PPIP5K2: variants seen among roughly 807,000 people sequenced by gnomAD.
The protein encoded by PPIP5K2 is diphosphoinositol pentakisphosphate kinase 2.
PPIP5K2 carries 105 observed loss-of-function variants against 154.6 expected under a neutral mutation model. The observed-to-expected ratio is 0.68, with a 90% CI of 0.58 to 0.80. PPIP5K2 has a LOEUF of 0.80. PPIP5K2 is among the 30% of genes least tolerant of loss of function. The pLI, the probability that PPIP5K2 is intolerant of heterozygous loss-of-function variation, is 0.00. For synonymous variants in PPIP5K2, 480 were observed against 490.3 expected (o/e 0.98, Z 0.28); for missense variants, 992 against 1,504.6 (o/e 0.66, Z 5.64).
intron 1 of PPIP5K2, among the ~76,000 whole-genome samples, chr5:103,125,634 C>G (rs1210996031): frequency 6.6e-6 from 1 of 151,954 alleles, no homozygotes; most frequent in Non-Finnish European, 1.5e-5. Flanking sequence ...TCATCTCCTT[C>G]TATTTTCTTG....
chr5:103,151,427 C>A, intron 9 of PPIP5K2, 53 bp downstream of exon 9: 2 of 1,384,456 alleles, frequency 1.4e-6, no homozygotes, highest in Non-Finnish European at 2.0e-6. Flanking sequence ...TATTCAGAAA[C>A]CAAATAACTG....
intron 13 of PPIP5K2, among the ~76,000 whole-genome samples, chr5:103,155,416 T>TA (rs1554212888): frequency 1.2e-5 from 1 of 81,240 alleles, no homozygotes; most frequent in East Asian, 3.2e-4. Flanking sequence ...CTTTTTTTTT[T>TA]TTTTTTTTTT....
At chr5:103,157,252 A>G (rs1275792566) in intron 14 of PPIP5K2, among the ~76,000 whole-genome samples, 1 of 152,152 alleles carries the variant, frequency 6.6e-6, no homozygotes, top group Non-Finnish European at 1.5e-5. Context: ...GGAGTAGGTC[A>G]AAATTAAGTA....
At chr5:103,129,838 A>T in intron 2 of PPIP5K2, 135 bp downstream of exon 2, 1 of 1,190,138 alleles carries the variant, frequency 8.4e-7, no homozygotes, top group South Asian at 2.1e-5. Context: ...GATGTTGTTG[A>T]ATCTATGATG....
rs539037879 is a variant in PPIP5K2, at chr5:103,201,609, A to C, written c.3707A>C (p.Lys1236Thr). The C allele has an allele frequency of 6.9e-6, 11 of 1,604,698 alleles. No individual in the cohort carries two copies. In the African/African-American group the frequency reaches 1.5e-4, roughly 22 times the overall value. ...AGCAAAACAGAAACGCATGAACACA[A>C]AAAAAACACTGGGAAAAAGAAATGA... ...ITSKTETHEH[K>T]KNTGKKK Residue 1236 changes from lysine (K) to threonine (T), a missense_variant, in exon 31 of 31, where the codon AAA (lysine) becomes ACA (threonine). By Grantham distance (78) the Lys-to-Thr change is moderately conservative. This residue lies in a region of PPIP5K2 where 131 missense variants were observed against 117.8 expected (regional missense o/e 1.11). Coordinates refer to ENST00000358359, the MANE Select transcript of PPIP5K2 (RefSeq NM_001276277.3).
intron 1 of PPIP5K2, among the ~76,000 whole-genome samples, chr5:103,128,603 C>T (rs1016576008): frequency 6.6e-6 from 1 of 151,936 alleles, no homozygotes; most frequent in Non-Finnish European, 1.5e-5. Context: ...CTCATGGACG[C>T]CTGGTTATGT....
chr5:103,121,236 A>G (rs1386389426), intron 1 of PPIP5K2, among the ~76,000 whole-genome samples: 3 of 152,236 alleles, frequency 2.0e-5, no homozygotes, highest in African/African-American at 7.2e-5. Flanking sequence ...TCTTAAATGA[A>G]ATAGATAATT....
intron 29 of PPIP5K2, among the ~76,000 whole-genome samples, chr5:103,193,720 A>G (rs1801629147): frequency 6.6e-6 from 1 of 152,116 alleles, no homozygotes; most frequent in African/African-American, 2.4e-5. Flanking sequence ...TTAAATGAAT[A>G]ATCATTCATT....
intron 2 of PPIP5K2, among the ~76,000 whole-genome samples, chr5:103,131,914 G>T (rs1790686403): frequency 1.3e-5 from 2 of 152,106 alleles, no homozygotes; most frequent in Non-Finnish European, 2.9e-5. Flanking sequence ...TAGCCAGTGA[G>T]CAGATATTCA....
intron 5 of PPIP5K2, among the ~76,000 whole-genome samples, chr5:103,144,233 A>T (rs1166478011): frequency 6.6e-6 from 1 of 152,104 alleles, no homozygotes; most frequent in African/African-American, 2.4e-5. Flanking sequence ...GAAATGAAAG[A>T]TCTCTTCTAC....
intron 17 of PPIP5K2, among the ~76,000 whole-genome samples, chr5:103,160,697 T>C (rs1225923612): frequency 6.6e-6 from 1 of 152,206 alleles, no homozygotes; most frequent in Non-Finnish European, 1.5e-5. Context: ...AGGCCACATT[T>C]GACCTGCAGG....
rs191539952 is a variant in PPIP5K2 at position 103,131,186 on chromosome 5, T to A, written c.114+1483T>A. ...GTCTTTACGTTGCTGTATATACAGT[T>A]GTCCTTCAATATCCATGGGGGATTG... On this transcript the variant is annotated intron_variant, in intron 2 of 30. Coordinates refer to ENST00000358359, the MANE Select transcript of PPIP5K2 (RefSeq NM_001276277.3). Among the ~76,000 whole-genome samples, 510 of 152,314 alleles carry A rather than the reference T, an allele frequency of 3.3e-3. 5 individuals carry two copies. Among genetic ancestry groups the A allele is most frequent in the Admixed American group, 5.9e-3 (90 of 15,300 alleles).
intron 3 of PPIP5K2, 65 bp downstream of exon 3, chr5:103,133,713 T>TA: frequency 1.5e-6 from 2 of 1,297,768 alleles, no homozygotes; most frequent in Non-Finnish European, 2.1e-6. Context: ...TACATATTAA[T>TA]TGTAGACTAT....
intron 19 of PPIP5K2, among the ~76,000 whole-genome samples, chr5:103,169,841 A>G (rs1488049869): frequency 6.6e-6 from 1 of 151,708 alleles, no homozygotes; most frequent in Non-Finnish European, 1.5e-5. Flanking sequence ...TTTTGTAAGT[A>G]TGCTTTTTAA....
At position 103,129,714 on chromosome 5, in the gene PPIP5K2, T is replaced by C. The variant is rs890386259; in HGVS notation, c.114+11T>C. ...GAGGAAGATGATTCTGTAAGTTGTT[T>C]GTTTTTCCTTTGGCGAGAGAAGACC... On this transcript the variant is annotated intron_variant, in intron 2 of 30. Transcript: ENST00000358359. The C allele has an allele frequency of 3.8e-6, 6 of 1,591,784 alleles. No individual in the cohort carries two copies. The Admixed American group carries it at 7.4e-5, about 20-fold the overall frequency.
chr5:103,146,782 T>C, intron 6 of PPIP5K2, 101 bp downstream of exon 6: 1 of 985,512 alleles, frequency 1.0e-6, no homozygotes, highest in Non-Finnish European at 1.4e-6. Flanking sequence ...ATTGAACTCT[T>C]GAAAATGTAT....
In PPIP5K2 at chr5:103,133,664, G is replaced by A; in HGVS notation, c.310+16G>A. On this transcript the variant is annotated intron_variant, in intron 3 of 30. Coordinates refer to ENST00000358359, the MANE Select transcript of PPIP5K2 (RefSeq NM_001276277.3). ...CATTCTAAAGGTATTAAGGGGAGTG[G>A]GGGAGAAACTCCTTTATCCTCTCTG... The A allele has an allele frequency of 6.5e-7, 1 of 1,543,620 alleles. No individual in the cohort carries two copies. Among genetic ancestry groups the A allele is most frequent in the Non-Finnish European group, 8.7e-7 (1 of 1,147,140 alleles).
intron 17 of PPIP5K2, among the ~76,000 whole-genome samples, chr5:103,161,460 T>A (rs1329061991): frequency 9.2e-5 from 14 of 152,156 alleles, no homozygotes; most frequent in Non-Finnish European, 1.5e-4. Context: ...TTTATAATCC[T>A]TTGGGTATAT....
At chr5:103,151,399 T>G in intron 9 of PPIP5K2, 25 bp downstream of exon 9, 1 of 1,547,894 alleles carries the variant, frequency 6.5e-7, no homozygotes, top group East Asian at 2.3e-5. Context: ...ATTTTTCTTT[T>G]TACCTTCATA....
Sources: allele counts gnomAD v4.1 joint callset (sites outside exome capture counted in the v4.1 genomes callset), GRCh38; gene constraint gnomAD v4.1.1; regional missense constraint gnomAD v4.1.1; transcripts MANE v1.5; gene names NCBI Gene and HGNC (gene_info 2026-07-23, HGNC 2026-07-21).